COL15A1: variants seen among roughly 807,000 people sequenced by gnomAD.
The protein encoded by COL15A1 is collagen type XV alpha 1 chain.
Under a neutral mutation model 165.9 loss-of-function variants are expected in COL15A1, and 111 were observed. The ratio of observed to expected loss-of-function variants is 0.67; its 90% confidence interval spans 0.57 to 0.78. The LOEUF is 0.78. COL15A1 is among the 30% of genes least tolerant of loss of function. COL15A1 has a pLI of 0.00. For synonymous variants in COL15A1, 659 were observed against 674.8 expected (o/e 0.98, Z 0.36); for missense variants, 1,745 against 1,789.7 (o/e 0.98, Z 0.45).
intron 11 of COL15A1, among the ~76,000 whole-genome samples, chr9:99,016,871 T>C (rs1047027094): frequency 2.0e-5 from 3 of 152,254 alleles, no homozygotes; most frequent in Non-Finnish European, 4.4e-5. Flanking sequence ...GCTACAGTCA[T>C]GTGGCCCATT....
At chr9:98,980,396 G>T (rs1297013608) in intron 2 of COL15A1, among the ~76,000 whole-genome samples, 7 of 152,238 alleles carry the variant, frequency 4.6e-5, no homozygotes, top group African/African-American at 1.4e-4. Flanking sequence ...CGAGATTTCA[G>T]GGGAAGCGAG....
At chr9:99,018,951 AT>A (rs1213898033) in intron 11 of COL15A1, among the ~76,000 whole-genome samples, 1 of 152,122 alleles carries the variant, frequency 6.6e-6, no homozygotes, top group Non-Finnish European at 1.5e-5. Context: ...TTTATGATAG[AT>A]TTTTTAAAGC....
rs144723663 is a variant in COL15A1, at chr9:99,058,410, C to T, written c.3338-1479C>T. On this transcript the variant is annotated intron_variant, in intron 35 of 41. Coordinates refer to ENST00000375001, the MANE Select transcript of COL15A1 (RefSeq NM_001855.5). Reference sequence around the variant, plus strand: ...AAGAGAAGGAGATGAGGACACTGGTCCTACAAAGGAAGAAGGTGCCGAGTG... The same window carrying T: ...AAGAGAAGGAGATGAGGACACTGGTTCTACAAAGGAAGAAGGTGCCGAGTG... 7.4e-3 allele frequency among the ~76,000 whole-genome samples: 1,128 copies of T among 152,186 alleles called. 12 individuals carry two copies. The highest frequency in any genetic ancestry group is 0.026 in the African/African-American group (1,082 of 41,502).
At chr9:98,991,801 A>G (rs953227355) in intron 5 of COL15A1, among the ~76,000 whole-genome samples, 1 of 152,038 alleles carries the variant, frequency 6.6e-6, no homozygotes, top group Non-Finnish European at 1.5e-5. Flanking sequence ...ACCTTGAGCT[A>G]GACACAGAGT....
At chr9:99,008,338 G>A (rs1403933029) in intron 9 of COL15A1, among the ~76,000 whole-genome samples, 1 of 151,884 alleles carries the variant, frequency 6.6e-6, no homozygotes, top group Non-Finnish European at 1.5e-5. Context: ...GTGTAGACAA[G>A]GTATGAGGCC....
intron 4 of COL15A1, among the ~76,000 whole-genome samples, chr9:98,988,733 G>A (rs1189303284): frequency 6.6e-6 from 1 of 152,070 alleles, no homozygotes; most frequent in Non-Finnish European, 1.5e-5. Flanking sequence ...GACCAGCCTG[G>A]CCAACATGGT....
At chr9:98,973,290 G>GT (rs1172313031) in intron 2 of COL15A1, among the ~76,000 whole-genome samples, 5 of 152,162 alleles carry the variant, frequency 3.3e-5, no homozygotes, top group African/African-American at 1.2e-4. Context: ...AGCTTATACA[G>GT]TAACTTCATT....
chr9:99,009,485 T>C (rs1175431488), intron 9 of COL15A1, among the ~76,000 whole-genome samples: 1 of 152,224 alleles, frequency 6.6e-6, no homozygotes, highest in Admixed American at 6.5e-5. Context: ...ATATGTCTCT[T>C]TTGGACTTCA....
chr9:98,967,906 G>A (rs1041320179), intron 2 of COL15A1, among the ~76,000 whole-genome samples: 1 of 152,228 alleles, frequency 6.6e-6, no homozygotes, highest in Non-Finnish European at 1.5e-5. Context: ...ACAGGGTGCT[G>A]GGCCTCAGCC....
chr9:99,063,476 G>C (rs1003547149), intron 39 of COL15A1, among the ~76,000 whole-genome samples: 1 of 152,206 alleles, frequency 6.6e-6, no homozygotes, highest in Non-Finnish European at 1.5e-5. Context: ...ACAGGCAAAA[G>C]AGTAGAGTTC....
intron 26 of COL15A1, among the ~76,000 whole-genome samples, chr9:99,046,617 A>G (rs967137494): frequency 6.6e-6 from 1 of 152,228 alleles, no homozygotes; most frequent in Non-Finnish European, 1.5e-5. Flanking sequence ...AAGTGCCAGC[A>G]GGGGAAATGC....
chr9:98,958,893 C>T (rs1837820065), intron 2 of COL15A1, among the ~76,000 whole-genome samples: 2 of 152,052 alleles, frequency 1.3e-5, no homozygotes, highest in Non-Finnish European at 2.9e-5. Flanking sequence ...GCTGGCTCAT[C>T]ACGGAGATAG....
chr9:99,016,193 G>A lies in COL15A1; in HGVS notation c.1647+74G>A, dbSNP rs1386293222. The A allele has an allele frequency of 1.1e-5, 17 of 1,492,440 alleles. 1 individual carries two copies. In the South Asian group the frequency reaches 1.9e-4, roughly 17 times the overall value. 92.4% of individuals were successfully genotyped at this position (1,492,440 alleles called of 1,614,324 possible). A position where few individuals can be genotyped will look rare whatever the true frequency, so the allele number is the denominator to read the frequency against. ...AGAGAAAGAAAGGCCAGAGTTGTGG[G>A]AAGGGCTGGCCCCCAGCTTTCTCAG... On this transcript the variant is annotated intron_variant, in intron 11 of 41. Transcript: ENST00000375001.
chr9:99,012,776 A>G (rs1359352900), intron 9 of COL15A1, among the ~76,000 whole-genome samples: 1 of 137,988 alleles, frequency 7.2e-6, no homozygotes, highest in Non-Finnish European at 1.5e-5. Context: ...CAATGGTACA[A>G]TCTCGGCTCA....
At chr9:98,950,594 C>CCTTCCTA (rs1588487484) in intron 2 of COL15A1, among the ~76,000 whole-genome samples, 1 of 79,558 alleles carries the variant, frequency 1.3e-5, no homozygotes, top group Non-Finnish European at 2.2e-5. Flanking sequence ...CTTCCTTCCT[C>CCTTCCTA]CCTCCCTCCC....
In COL15A1 at chr9:98,989,097, T is replaced by G. The variant is rs567980322; in HGVS notation, c.724-81T>G. ...CCTGTAGGAGAGTCGGTTTGTCAGT[T>G]TCTGTAACTTTCCCAGTCATCCAAC... On this transcript the variant is annotated intron_variant, in intron 4 of 41. Transcript: ENST00000375001. 39 of 1,009,324 alleles carry G rather than the reference T, an allele frequency of 3.9e-5. No homozygotes were observed. In the African/African-American group the frequency reaches 5.5e-4, roughly 14 times the overall value. The allele number at this position is 1,009,324 out of a possible 1,614,324, so 62.5% of individuals were successfully genotyped here.
chr9:99,057,132 G>A (rs80177571), intron 35 of COL15A1, among the ~76,000 whole-genome samples: 213 of 152,274 alleles, frequency 1.4e-3, no homozygotes, highest in African/African-American at 4.6e-3. Flanking sequence ...ACTGTTTTCC[G>A]AAGGAGTCAC....
In COL15A1 at chr9:99,056,331, C is replaced by A; in HGVS notation, c.3264C>A (p.Gly1088=). The change falls in exon 35 of 42, where the codon GGC becomes GGA. Residue 1088 remains glycine, a synonymous_variant. Transcript: ENST00000375001. ...PGAPGLPGPP[G]FGRPGDPGPP... is the part of the protein sequence containing the mutation. The stretch of plus-strand genomic sequence containing the variant: ...CTCCTGGTCTGCCTGGGCCACCTGG[C>A]TTTGGAAGACCTGGTGATCCTGGGC... 1 of 1,613,954 alleles carries A rather than the reference C, an allele frequency of 6.2e-7. No individual in the cohort carries two copies. The highest frequency in any genetic ancestry group is 8.5e-7 in the Non-Finnish European group (1 of 1,180,028).
In COL15A1 at chr9:99,053,224, C is replaced by G. The variant is rs76258372; in HGVS notation, c.2950+791C>G. The stretch of plus-strand genomic sequence containing the variant: ...GTTTAAATAGAGGAAGGTCTTTTTC[C>G]TCCAATATTCACTTTCAGCTTGGCT... On this transcript the variant is annotated intron_variant, in intron 31 of 41. Coordinates refer to ENST00000375001, the MANE Select transcript of COL15A1 (RefSeq NM_001855.5). Among the ~76,000 whole-genome samples, 892 of 152,328 alleles carry G rather than the reference C, an allele frequency of 5.9e-3. 5 individuals are homozygous for G. Among genetic ancestry groups the G allele is most frequent in the African/African-American group, 0.02 (822 of 41,570 alleles).
Sources: gnomAD v4.1 joint callset for allele counts (sites outside exome capture counted in the v4.1 genomes callset) on GRCh38, gnomAD v4.1.1 for gene constraint, MANE v1.5 for transcripts, NCBI Gene and HGNC (gene_info 2026-07-23, HGNC 2026-07-21) for gene names.